The following SMAD3 variants were observed in gnomAD, a reference collection of about 807,000 sequenced individuals.
SMAD3 encodes SMAD family member 3.
In SMAD3, 12 loss-of-function variants were observed where a neutral mutation model predicts 51.8. That is an observed-to-expected ratio of 0.23 (90% CI 0.15 to 0.38). The LOEUF (loss-of-function observed/expected upper bound fraction) is 0.38. SMAD3 is among the 10% of genes least tolerant of loss of function. SMAD3 has a pLI of 1.00. For missense variants in SMAD3, 294 were observed against 565.6 expected (o/e 0.52, Z 4.87); for synonymous variants, 238 against 227.7 (o/e 1.05, Z -0.41).
At chr15:67,108,010 C>G (rs1165339166) in intron 1 of SMAD3, among the ~76,000 whole-genome samples, 1 of 138,634 alleles carries the variant, frequency 7.2e-6, no homozygotes, top group Non-Finnish European at 1.5e-5. Context: ...CCAGGGTGAT[C>G]TTTCTAAAGG....
At chr15:67,169,021 A>T (rs183593877) in intron 4 of SMAD3, among the ~76,000 whole-genome samples, 1 of 152,210 alleles carries the variant, frequency 6.6e-6, no homozygotes, top group South Asian at 2.1e-4. Context: ...AGGCCAGCAC[A>T]AAACAGGGGA....
intron 3 of SMAD3, among the ~76,000 whole-genome samples, 193 bp downstream of exon 3, chr15:67,165,577 C>T (rs916579794): frequency 6.6e-6 from 1 of 152,258 alleles, no homozygotes. Context: ...TCAGCTCCCC[C>T]CTCACTAGTG....
intron 8 of SMAD3, among the ~76,000 whole-genome samples, 196 bp downstream of exon 8, chr15:67,187,705 A>G (rs1025155897): frequency 6.6e-6 from 1 of 152,190 alleles, no homozygotes; most frequent in African/African-American, 2.4e-5. Flanking sequence ...TTGCAGAACG[A>G]TGTTTGCTGG....
At chr15:67,109,676 T>C (rs911715673) in intron 1 of SMAD3, among the ~76,000 whole-genome samples, 1 of 152,174 alleles carries the variant, frequency 6.6e-6, no homozygotes, top group Non-Finnish European at 1.5e-5. Flanking sequence ...GGAAACACAC[T>C]TAATGGACAA....
intron 1 of SMAD3, among the ~76,000 whole-genome samples, chr15:67,143,237 C>A (rs1336806841): frequency 2.0e-5 from 3 of 152,152 alleles, no homozygotes; most frequent in African/African-American, 7.2e-5. Flanking sequence ...GCCATAAGTA[C>A]CTTTTCAGTG....
At chr15:67,088,238 A>G (rs1960435331) in intron 1 of SMAD3, among the ~76,000 whole-genome samples, 1 of 152,210 alleles carries the variant, frequency 6.6e-6, no homozygotes, top group African/African-American at 2.4e-5. Context: ...AGATGGGTGC[A>G]CAGTAGGGTT....
intron 8 of SMAD3, among the ~76,000 whole-genome samples, chr15:67,188,845 G>T (rs1963290043): frequency 6.6e-6 from 1 of 152,236 alleles, no homozygotes; most frequent in South Asian, 2.1e-4. Context: ...ATTCTCATTA[G>T]AGGATTTCAT....
intron 1 of SMAD3, among the ~76,000 whole-genome samples, chr15:67,077,770 G>C (rs556047504): frequency 6.6e-6 from 1 of 152,162 alleles, no homozygotes; most frequent in Non-Finnish European, 1.5e-5. Flanking sequence ...ACCAGACTGC[G>C]GAAGGGCCTG....
chr15:67,183,410 C>T (rs971483358), intron 6 of SMAD3, among the ~76,000 whole-genome samples: 1 of 139,242 alleles, frequency 7.2e-6, no homozygotes, highest in Non-Finnish European at 1.6e-5. Flanking sequence ...CCACCTCTGC[C>T]TTCTGCTCTT....
intron 1 of SMAD3, among the ~76,000 whole-genome samples, chr15:67,120,430 C>T (rs1419969795): frequency 6.6e-6 from 1 of 152,198 alleles, no homozygotes; most frequent in African/African-American, 2.4e-5. Context: ...CTGTATGTAT[C>T]AAACTCACTT....
In SMAD3 at chr15:67,097,888, G is replaced by A. The variant is rs565386368; in HGVS notation, c.206+31528G>A. Among the ~76,000 whole-genome samples the A allele has an allele frequency of 2.6e-5, 4 of 152,318 alleles. No individual in the cohort carries two copies. The South Asian group carries it at 8.3e-4, about 32-fold the overall frequency. On this transcript the variant is annotated intron_variant, in intron 1 of 8. Transcript: ENST00000327367. The stretch of plus-strand genomic sequence containing the variant: ...GGGAGCCTCTGCCTCAGACTTCTAA[G>A]TAGTTCTTCAGGCTGTGCTCTAGAA...
At chr15:67,108,539 C>T (rs1457699276) in intron 1 of SMAD3, among the ~76,000 whole-genome samples, 1 of 152,158 alleles carries the variant, frequency 6.6e-6, no homozygotes, top group Non-Finnish European at 1.5e-5. Flanking sequence ...AATGTGTCCC[C>T]CCAGCTGCTG....
At chr15:67,149,136 G>T (rs1165617481) in intron 1 of SMAD3, among the ~76,000 whole-genome samples, 1 of 152,220 alleles carries the variant, frequency 6.6e-6, no homozygotes, top group African/African-American at 2.4e-5. Context: ...TGAGCTGGAA[G>T]ATAATTGGAC....
intron 1 of SMAD3, among the ~76,000 whole-genome samples, chr15:67,096,739 G>C (rs1960622588): frequency 6.6e-6 from 1 of 152,016 alleles, no homozygotes; most frequent in Non-Finnish European, 1.5e-5. Flanking sequence ...TCCTGGGGCT[G>C]GAGGTCTCAG....
chr15:67,160,687 C>T lies in SMAD3; in HGVS notation c.207-4208C>T, dbSNP rs192527641. 1.1e-4 allele frequency among the ~76,000 whole-genome samples: 15 copies of T among 138,816 alleles called. No homozygotes were observed. The East Asian group carries it at 2.6e-3, about 24-fold the overall frequency. The allele number at this position is 138,816 out of a possible 152,430, so 91.1% of individuals were successfully genotyped here. A position where few individuals can be genotyped will look rare whatever the true frequency, so the allele number is the denominator to read the frequency against. ...TCGGGAGGCTGAGGCAGGAGAATGG[C>T]GTGACCCCAGGAGGTGGAGCTTGCA... On this transcript the variant is annotated intron_variant, in intron 1 of 8. Coordinates refer to ENST00000327367, the MANE Select transcript of SMAD3 (RefSeq NM_005902.4).
intron 1 of SMAD3, among the ~76,000 whole-genome samples, chr15:67,148,190 G>T (rs186709184): frequency 6.6e-6 from 1 of 152,152 alleles, no homozygotes; most frequent in Non-Finnish European, 1.5e-5. Flanking sequence ...ATGCTAGAAG[G>T]TACTAGAAGG....
intron 1 of SMAD3, among the ~76,000 whole-genome samples, chr15:67,130,332 G>A (rs1430334119): frequency 6.6e-6 from 1 of 152,118 alleles, no homozygotes; most frequent in East Asian, 1.9e-4. Flanking sequence ...TTACACCAGG[G>A]GTCCCCAACC....
At chr15:67,074,430 T>C (rs1960123574) in intron 1 of SMAD3, among the ~76,000 whole-genome samples, 1 of 152,248 alleles carries the variant, frequency 6.6e-6, no homozygotes, top group Non-Finnish European at 1.5e-5. Flanking sequence ...GAAGCTTCCT[T>C]TATTTATTTC....
intron 1 of SMAD3, among the ~76,000 whole-genome samples, chr15:67,150,776 G>A (rs1055304731): frequency 3.1e-4 from 47 of 150,268 alleles, no homozygotes; most frequent in South Asian, 1.5e-3. Context: ...GTTGTCAGGG[G>A]AGGGGACTTT....
Sources: gnomAD v4.1 joint callset for allele counts (sites outside exome capture counted in the v4.1 genomes callset) on GRCh38, gnomAD v4.1.1 for gene constraint, MANE v1.5 for transcripts, NCBI Gene and HGNC (gene_info 2026-07-23, HGNC 2026-07-21) for gene names.